The following COL5A1 variants were observed in gnomAD, a reference collection of about 807,000 sequenced individuals.
COL5A1 encodes the protein collagen alpha-1(V) chain.
COL5A1 carries 16 observed loss-of-function variants against 263.7 expected under a neutral mutation model. That is an observed-to-expected ratio of 0.06 (90% CI 0.04 to 0.09). The LOEUF is 0.09. Among genes scored for constraint, COL5A1 ranks in the 10% least tolerant of loss-of-function variants. The pLI, the probability that COL5A1 is intolerant of heterozygous loss-of-function variation, is 1.00. For missense variants in COL5A1, 2,036 were observed against 2,540.5 expected (o/e 0.80, Z 4.27); for synonymous variants, 1,012 against 1,004.5 (o/e 1.01, Z -0.14).
intron 63 of COL5A1, among the ~76,000 whole-genome samples, chr9:134,828,090 G>C (rs1439190723): frequency 1.3e-5 from 2 of 152,218 alleles, no homozygotes; most frequent in African/African-American, 4.8e-5. Context: ...GCTGGGGACA[G>C]GCCGGCCCTG....
chr9:134,815,615 G>C lies in COL5A1; in HGVS notation c.4054G>C (p.Glu1352Gln), dbSNP rs905213250. The C allele has an allele frequency of 1.2e-6, 2 of 1,613,668 alleles. No individual in the cohort carries two copies. Among genetic ancestry groups the C allele is most frequent in the Admixed American group, 1.7e-5 (1 of 59,982 alleles). ...TCCTGGAGATCCTGGCCCCCCCGGA[G>C]AGCCTGGCCCCGCGGTAGGTGCTCA... ...GFPGDPGPPGEPGPAGQDGPP... is the reference protein window; with the variant it reads ...GFPGDPGPPGQPGPAGQDGPP... Residue 1352 changes from glutamate to glutamine, a missense_variant, in exon 51 of 66, where the codon GAG (glutamate) becomes CAG (glutamine). Glu to Gln is a conservative substitution (Grantham distance 29, BLOSUM62 2). Coordinates refer to ENST00000371817, the MANE Select transcript of COL5A1 (RefSeq NM_000093.5).
At chr9:134,780,168 C>A in intron 28 of COL5A1, 22 bp downstream of exon 28, 1 of 1,612,560 alleles carries the variant, frequency 6.2e-7, no homozygotes, top group Non-Finnish European at 8.5e-7. Flanking sequence ...CTTGCAGCCA[C>A]GGGGCCCCCT....
rs147260844 is a variant in COL5A1 at position 134,825,302 on chromosome 9, G to A, written c.4954+447G>A. 1.0e-3 allele frequency among the ~76,000 whole-genome samples: 159 copies of A among 152,298 alleles called. 2 individuals are homozygous for A. Among genetic ancestry groups the A allele is most frequent in the African/African-American group, 3.8e-3 (156 of 41,564 alleles). On this transcript the variant is annotated intron_variant, in intron 62 of 65. Transcript: ENST00000371817. ...TGGGCAAACGGCCTTCAAACTCCGC[G>A]ATACTGTAAAAACACATCCTTCTCC...
chr9:134,685,394 TCCAC>T (rs1833010841), intron 1 of COL5A1, among the ~76,000 whole-genome samples: 1 of 138,022 alleles, frequency 7.2e-6, no homozygotes, highest in Admixed American at 7.3e-5. Context: ...CATCCATCCA[TCCAC>T]CATCCATCCA....
At chr9:134,731,764 G>A in intron 8 of COL5A1, 101 bp downstream of exon 8, 1 of 1,315,342 alleles carries the variant, frequency 7.6e-7, no homozygotes. Flanking sequence ...GCCTCTACGG[G>A]CAGCTCAAGT....
intron 9 of COL5A1, among the ~76,000 whole-genome samples, chr9:134,737,842 C>T (rs1344503283): frequency 6.6e-6 from 1 of 152,160 alleles, no homozygotes; most frequent in African/African-American, 2.4e-5. Flanking sequence ...GGCAGATGGG[C>T]CCTGTGGTGA....
intron 9 of COL5A1, among the ~76,000 whole-genome samples, chr9:134,735,927 C>T (rs1443453301): frequency 1.3e-5 from 2 of 152,394 alleles, no homozygotes; most frequent in African/African-American, 4.8e-5. Flanking sequence ...CGGGAGTCCC[C>T]TCATCAGCCT....
chr9:134,785,126 C>G (rs1006990700), intron 30 of COL5A1, 30 bp downstream of exon 30: 1 of 1,568,924 alleles, frequency 6.4e-7, no homozygotes, highest in Admixed American at 1.7e-5. Context: ...CAGCCACTTT[C>G]TTGGGAGGGA....
chr9:134,826,785 T>G (rs1406462569), intron 63 of COL5A1, among the ~76,000 whole-genome samples: 1 of 141,196 alleles, frequency 7.1e-6, no homozygotes, highest in African/African-American at 2.8e-5. Flanking sequence ...TAGATGGTGT[T>G]TGGGTACTTG....
chr9:134,749,323 A>G (rs1835690561), intron 11 of COL5A1, among the ~76,000 whole-genome samples: 1 of 152,244 alleles, frequency 6.6e-6, no homozygotes, highest in African/African-American at 2.4e-5. Context: ...GTGCGTCTTC[A>G]TCTTTGCCTT....
At chr9:134,736,453 G>A (rs1218461385) in intron 9 of COL5A1, among the ~76,000 whole-genome samples, 3 of 152,190 alleles carry the variant, frequency 2.0e-5, no homozygotes, top group East Asian at 3.9e-4. Flanking sequence ...CGCTCCCATC[G>A]TAGCTGCATT....
intron 27 of COL5A1, among the ~76,000 whole-genome samples, chr9:134,777,582 C>T (rs1017796220): frequency 1.9e-4 from 29 of 152,032 alleles, no homozygotes; most frequent in Admixed American, 1.7e-3. Context: ...CAGGAGGCTG[C>T]GGCTGGTTCT....
At chr9:134,830,244 G>A (rs1839551736) in intron 64 of COL5A1, 200 bp downstream of exon 64, 3 of 1,479,692 alleles carry the variant, frequency 2.0e-6, no homozygotes, top group East Asian at 2.4e-5. Context: ...TCGCGGCTCT[G>A]CATGGCACCC....
At chr9:134,648,629 C>A (rs1449010776) in intron 1 of COL5A1, among the ~76,000 whole-genome samples, 1 of 152,178 alleles carries the variant, frequency 6.6e-6, no homozygotes, top group Non-Finnish European at 1.5e-5. Context: ...CAGAGTAAGA[C>A]CCCATTACTG....
chr9:134,834,400 G>A (rs1234325208), intron 64 of COL5A1, among the ~76,000 whole-genome samples: 1 of 152,192 alleles, frequency 6.6e-6, no homozygotes, highest in Non-Finnish European at 1.5e-5. Flanking sequence ...CAGAAGGGGA[G>A]AAGAACTGTG....
intron 26 of COL5A1, among the ~76,000 whole-genome samples, chr9:134,773,186 GA>G (rs1179294938): frequency 1.3e-5 from 2 of 152,234 alleles, no homozygotes; most frequent in Non-Finnish European, 2.9e-5. Flanking sequence ...GAGTTTTGGG[GA>G]GATGCTATTA....
At position 134,701,280 on chromosome 9, in the gene COL5A1, A is replaced by C. The variant is rs371351417; in HGVS notation, c.601A>C (p.Ile201Leu). 6.2e-7 allele frequency: 1 copy of C among 1,614,008 alleles called. No individual in the cohort carries two copies. The highest frequency in any genetic ancestry group is 8.5e-7 in the Non-Finnish European group (1 of 1,180,012). Residue 201 changes from isoleucine to leucine, a missense_variant, in exon 4 of 66, where the codon ATC becomes CTC. By Grantham distance (5) the Ile-to-Leu change is conservative. Transcript: ENST00000371817. ...CCGCAGCGACCACCCCATGATCGAC[A>C]TCAATGGCATCATCGTGTTTGGCAC... ...LDRSDHPMID[I>L]NGIIVFGTRI...
intron 44 of COL5A1, 30 bp from the exon 45 acceptor site, chr9:134,811,309 C>T (rs750886417): frequency 1.2e-6 from 2 of 1,610,644 alleles, no homozygotes; most frequent in Admixed American, 1.7e-5. Context: ...ATCCAAGAAG[C>T]TACCTATGTC....
At chr9:134,756,870 G>T in intron 17 of COL5A1, 52 bp downstream of exon 17, 16 of 1,570,614 alleles carry the variant, frequency 1.0e-5, no homozygotes, top group Non-Finnish European at 1.4e-5. Flanking sequence ...CATCCCTGGG[G>T]TCATGTTGAT....
Sources: gnomAD v4.1 joint callset for allele counts (sites outside exome capture counted in the v4.1 genomes callset) on GRCh38, gnomAD v4.1.1 for gene constraint, MANE v1.5 for transcripts, NCBI Gene and HGNC (gene_info 2026-07-23, HGNC 2026-07-21) for gene names.